Variants in AMN1 observed in about 807,000 individuals in gnomAD.
AMN1 encodes the protein protein AMN1 homolog.
In AMN1, 20 loss-of-function variants were observed where a neutral mutation model predicts 33.0. That is an observed-to-expected ratio of 0.61 (90% CI 0.43 to 0.88). AMN1 has a LOEUF of 0.88. Ranked by LOEUF, AMN1 falls within the 40% of genes least tolerant of loss-of-function variation. The pLI, the probability that AMN1 is intolerant of heterozygous loss-of-function variation, is 0.00. For synonymous variants in AMN1, 114 were observed against 111.9 expected (o/e 1.02, Z -0.12); for missense variants, 246 against 307.4 (o/e 0.80, Z 1.49).
intron 6 of AMN1, among the ~76,000 whole-genome samples, chr12:31,678,489 T>C (rs1033932440): frequency 6.6e-6 from 1 of 151,924 alleles, no homozygotes; most frequent in African/African-American, 2.4e-5. Flanking sequence ...CTCCGTCTCC[T>C]GGGTTCAAGT....
At chr12:31,681,555 T>C (rs1307575781) in intron 6 of AMN1, among the ~76,000 whole-genome samples, 2 of 151,970 alleles carry the variant, frequency 1.3e-5, no homozygotes, top group Non-Finnish European at 2.9e-5. Context: ...ATATTAGATC[T>C]CTCAATGTTA....
intron 6 of AMN1, among the ~76,000 whole-genome samples, chr12:31,676,681 T>C (rs1048220917): frequency 2.0e-5 from 3 of 151,648 alleles, no homozygotes; most frequent in Non-Finnish European, 2.9e-5. Flanking sequence ...TTTTTCCAAG[T>C]TGTGAATATG....
intron 1 of AMN1, chr12:31,715,927 C>A (rs1473358011): frequency 6.6e-6 from 1 of 152,240 alleles, no homozygotes; most frequent in Admixed American, 6.5e-5. Context: ...AGTTTCCTAA[C>A]GTGACTAAAT....
chr12:31,701,355 G>A (rs1592163477), intron 3 of AMN1, among the ~76,000 whole-genome samples: 1 of 151,954 alleles, frequency 6.6e-6, no homozygotes, highest in South Asian at 2.1e-4. Context: ...TGGAGTAGTG[G>A]TGCAATCTCA....
rs112841301 is a variant in AMN1 at position 31,710,551 on chromosome 12, TACACACACACAC to T, written c.39-1138_39-1127del. On this transcript the variant is annotated intron_variant, in intron 1 of 6. Transcript: ENST00000281471. ...TCTTTCTTATTTTTCTCTGTTCTTG[TACACACACACAC>T]ACACACACACACACACACACACATT... is the stretch of plus-strand genomic sequence containing the variant. Among the ~76,000 whole-genome samples the T allele has an allele frequency of 1.8e-3, 268 of 147,532 alleles. 6 individuals carry two copies. In the South Asian group the frequency reaches 0.032, roughly 18 times the overall value.
intron 1 of AMN1, among the ~76,000 whole-genome samples, chr12:31,718,259 C>T (rs1939751683): frequency 6.6e-6 from 1 of 151,874 alleles, no homozygotes; most frequent in Non-Finnish European, 1.5e-5. Context: ...TTTTTCAGCT[C>T]CATCAGGTCA....
At chr12:31,679,679 C>A (rs1438193587) in intron 6 of AMN1, among the ~76,000 whole-genome samples, 1 of 152,170 alleles carries the variant, frequency 6.6e-6, no homozygotes, top group Non-Finnish European at 1.5e-5. Context: ...TGCTTTATTG[C>A]CCTTCTAAAA....
intron 6 of AMN1, among the ~76,000 whole-genome samples, chr12:31,677,701 G>A (rs1937794366): frequency 6.6e-6 from 1 of 152,098 alleles, no homozygotes; most frequent in Non-Finnish European, 1.5e-5. Flanking sequence ...CAGAACCAAG[G>A]TCTCTGACCT....
chr12:31,708,383 C>A (rs1485843280), intron 2 of AMN1, among the ~76,000 whole-genome samples: 1 of 152,180 alleles, frequency 6.6e-6, no homozygotes, highest in Non-Finnish European at 1.5e-5. Context: ...GCAGTACCCT[C>A]AGGCTTACTA....
intron 1 of AMN1, among the ~76,000 whole-genome samples, chr12:31,712,996 G>A (rs1373258414): frequency 6.6e-6 from 1 of 152,190 alleles, no homozygotes; most frequent in Non-Finnish European, 1.5e-5. Context: ...AAACATGGGA[G>A]TGCAGATATC....
chr12:31,709,458 T>C (rs779938430), intron 1 of AMN1, 33 bp from the exon 2 acceptor site: 18 of 1,584,272 alleles, frequency 1.1e-5, no homozygotes, highest in Non-Finnish European at 1.4e-5. Context: ...TAAATCACAC[T>C]GGGCCTGTAC....
chr12:31,725,945 T>C (rs1592181104), intron 1 of AMN1, among the ~76,000 whole-genome samples: 1 of 152,282 alleles, frequency 6.6e-6, no homozygotes, highest in African/African-American at 2.4e-5. Flanking sequence ...GTGATTCACC[T>C]GCCTCGGCCT....
chr12:31,727,957 T>C (rs1382907116), intron 1 of AMN1, among the ~76,000 whole-genome samples: 1 of 152,074 alleles, frequency 6.6e-6, no homozygotes, highest in African/African-American at 2.4e-5. Flanking sequence ...GGTCTCCAAC[T>C]CTCCTGATCT....
chr12:31,722,166 CACACA>C (rs1277599937), intron 1 of AMN1, among the ~76,000 whole-genome samples: 34 of 149,216 alleles, frequency 2.3e-4, no homozygotes, highest in African/African-American at 8.2e-4. Context: ...CACACACACA[CACACA>C]CACACCTGGG....
intron 5 of AMN1, 75 bp downstream of exon 5, chr12:31,697,286 C>T (rs2388926): frequency 0.66 from 862,708 of 1,311,564 alleles, 286,642 homozygotes; most frequent in East Asian, 0.87. Context: ...ATTGGTTATC[C>T]GCTAGGTTTT....
chr12:31,701,354 G>A (rs1254675945), intron 3 of AMN1, among the ~76,000 whole-genome samples: 1 of 151,968 alleles, frequency 6.6e-6, no homozygotes, highest in African/African-American at 2.4e-5. Flanking sequence ...CTGGAGTAGT[G>A]GTGCAATCTC....
At chr12:31,713,158 C>T (rs2139715557) in intron 1 of AMN1, among the ~76,000 whole-genome samples, 1 of 152,132 alleles carries the variant, frequency 6.6e-6, no homozygotes. Context: ...AATACATGCT[C>T]TATATATTCA....
intron 4 of AMN1, 49 bp from the exon 5 acceptor site, chr12:31,697,466 G>A: frequency 1.3e-6 from 2 of 1,576,514 alleles, no homozygotes; most frequent in African/African-American, 2.7e-5. Flanking sequence ...GACAACGGAA[G>A]TAGAATTTTC....
chr12:31,690,950 A>T (rs541427580), intron 5 of AMN1, among the ~76,000 whole-genome samples: 6 of 152,108 alleles, frequency 3.9e-5, no homozygotes, highest in Non-Finnish European at 8.8e-5. Context: ...CCTGGCTAAC[A>T]TGGTGAAACC....
Sources: allele counts gnomAD v4.1 joint callset (sites outside exome capture counted in the v4.1 genomes callset), GRCh38; gene constraint gnomAD v4.1.1; transcripts MANE v1.5; gene names NCBI Gene and HGNC (gene_info 2026-07-23, HGNC 2026-07-21).